Variants in CDKL3 observed in about 807,000 individuals in gnomAD.
CDKL3 encodes cyclin-dependent kinase-like 3.
A neutral mutation model predicts 69.3 loss-of-function variants in CDKL3; 65 were observed. The ratio of observed to expected loss-of-function variants is 0.94; its 90% confidence interval spans 0.77 to 1.15. The LOEUF (loss-of-function observed/expected upper bound fraction) is 1.15, where lower values mean the gene tolerates loss of function less well. Ranked by LOEUF, CDKL3 falls within the 50% of genes most tolerant of loss-of-function variation. The pLI, the probability that CDKL3 is intolerant of heterozygous loss-of-function variation, is 0.00. For missense variants in CDKL3, 652 were observed against 689.2 expected (o/e 0.95, Z 0.61); for synonymous variants, 202 against 221.6 (o/e 0.91, Z 0.79).
At chr5:134,343,155 A>G (rs1402355175) in intron 4 of CDKL3, among the ~76,000 whole-genome samples, 1 of 151,904 alleles carries the variant, frequency 6.6e-6, no homozygotes, top group Non-Finnish European at 1.5e-5. Flanking sequence ...CTGTGGGCCA[A>G]GATCATGCCA....
chr5:134,356,729 A>G (rs2149629520), intron 3 of CDKL3, among the ~76,000 whole-genome samples: 1 of 152,276 alleles, frequency 6.6e-6, no homozygotes, highest in East Asian at 1.9e-4. Flanking sequence ...GGTTGCAGTG[A>G]ACCAAGATCA....
chr5:134,310,035 T>G (rs1233490787), intron 7 of CDKL3, among the ~76,000 whole-genome samples: 20 of 152,136 alleles, frequency 1.3e-4, no homozygotes, highest in Non-Finnish European at 7.4e-5. Flanking sequence ...TTTGCCATGT[T>G]GCCCAGGCTG....
rs186624044 is a variant in CDKL3 at position 134,363,847 on chromosome 5, T to C, written c.165+2512A>G. On this transcript the variant is annotated intron_variant, in intron 2 of 12. Transcript: ENST00000265334. ...TGGCTCATGCCTGTAATCCTAGCTC[T>C]TTCACAGGTCCAAGACAGGAAGATC... 2.6e-5 allele frequency among the ~76,000 whole-genome samples: 4 copies of C among 151,820 alleles called. No homozygotes were observed. In the East Asian group the frequency reaches 7.8e-4, roughly 29 times the overall value.
At position 134,350,426 on chromosome 5, in the gene CDKL3, A is replaced by T; in HGVS notation, c.362T>A (p.Ile121Asn). Reference protein sequence around the residue: ...RAIDYLHSNNIIHRDIKPENI... With the variant: ...RAIDYLHSNNNIHRDIKPENI... The stretch of plus-strand genomic sequence containing the variant: ...CTCAGGTTTTATATCTCGATGAATG[A>T]TCTAAAAAACAAACAGAATACAAAA... The change falls in exon 4 of 13, where the codon ATC (isoleucine) becomes AAC (asparagine). Residue 121 changes from isoleucine to asparagine, a missense_variant and splice_region_variant. Transcript: ENST00000265334. 6.5e-7 allele frequency: 1 copy of T among 1,531,066 alleles called. No individual in the cohort carries two copies. The highest frequency in any genetic ancestry group is 8.9e-7 in the Non-Finnish European group (1 of 1,129,736). 94.8% of individuals were successfully genotyped at this position (1,531,066 alleles called of 1,614,324 possible).
intron 1 of CDKL3, 93 bp from the exon 2 acceptor site, chr5:134,366,637 A>G (rs1757505332): frequency 1.3e-6 from 1 of 793,024 alleles, no homozygotes; most frequent in Admixed American, 3.5e-5. Context: ...ATAAACCCAC[A>G]GTCTCAAATA....
At chr5:134,319,236 C>T (rs1772069052) in intron 6 of CDKL3, 122 bp downstream of exon 6, 1 of 672,218 alleles carries the variant, frequency 1.5e-6, no homozygotes, top group South Asian at 2.7e-5. Context: ...AAGGCTGAGG[C>T]AGGAGAATCT....
chr5:134,301,332 G>T lies in CDKL3; in HGVS notation c.1719+1258C>A, dbSNP rs1336889792. Among the ~76,000 whole-genome samples, 4 of 152,054 alleles carry T rather than the reference G, an allele frequency of 2.6e-5. 1 individual carries two copies. The highest frequency in any genetic ancestry group is 5.9e-5 in the Non-Finnish European group (4 of 68,014). ...TCTTGTTCTACAACATTTCTTCTCTGCAAAGTGGACTGTGGAGTTCTTAAC... is the reference window on the plus strand; with the variant it reads ...TCTTGTTCTACAACATTTCTTCTCTTCAAAGTGGACTGTGGAGTTCTTAAC... On this transcript the variant is annotated intron_variant, in intron 12 of 12. Coordinates refer to ENST00000265334, the MANE Select transcript of CDKL3 (RefSeq NM_001113575.2).
intron 2 of CDKL3, among the ~76,000 whole-genome samples, chr5:134,360,774 G>T (rs1755812124): frequency 6.6e-6 from 1 of 152,042 alleles, no homozygotes; most frequent in Non-Finnish European, 1.5e-5. Flanking sequence ...AATGAGCATG[G>T]ATTTCAACAC....
intron 4 of CDKL3, among the ~76,000 whole-genome samples, chr5:134,333,968 A>C (rs1303832957): frequency 2.0e-5 from 3 of 152,128 alleles, no homozygotes; most frequent in Non-Finnish European, 4.4e-5. Context: ...TAGGCTATTA[A>C]TTATTGGCTC....
At chr5:134,322,904 G>A (rs1773157436) in intron 4 of CDKL3, among the ~76,000 whole-genome samples, 1 of 151,940 alleles carries the variant, frequency 6.6e-6, no homozygotes, top group Admixed American at 6.6e-5. Context: ...ACTTGAACCC[G>A]GGAGGTGGAG....
rs76267148 is a variant in CDKL3, at chr5:134,291,272, T to G, written c.*678-4713A>C. Among the ~76,000 whole-genome samples, 1,400 of 152,294 alleles carry G rather than the reference T, an allele frequency of 9.2e-3. 23 individuals carry two copies. The highest frequency in any genetic ancestry group is 0.031 in the African/African-American group (1,275 of 41,546). ...TAATTGGAAATCTGAGTTTGGAGTT[T>G]GTGGGTGAAGTCCAGGCTGGAAGGA... On this transcript the variant is annotated intron_variant and NMD_transcript_variant, in intron 8 of 8. Coordinates refer to the CDKL3 transcript ENST00000519312.
At chr5:134,351,630 A>G (rs1218733232) in intron 3 of CDKL3, among the ~76,000 whole-genome samples, 1 of 151,910 alleles carries the variant, frequency 6.6e-6, no homozygotes, top group Non-Finnish European at 1.5e-5. Flanking sequence ...GGCTAATTAA[A>G]AAATTTTTTT....
downstream of CDKL3, among the ~76,000 whole-genome samples, chr5:134,296,811 ACACACG>A (rs1362533973): frequency 6.6e-6 from 1 of 151,602 alleles, no homozygotes; most frequent in South Asian, 2.1e-4. Context: ...ACACACACAC[ACACACG>A]CACGCACACA....
chr5:134,367,079 G>A lies in CDKL3; in HGVS notation c.-124C>T. Reference sequence around the variant, plus strand: ...GGTCTGGCTCTGCGTAGTTCCAGTGGAGCCACCGAACACTGATACTACTTT... The same window carrying A: ...GGTCTGGCTCTGCGTAGTTCCAGTGAAGCCACCGAACACTGATACTACTTT... On this transcript the variant is annotated 5_prime_UTR_variant, in exon 1 of 13. Coordinates refer to ENST00000265334, the MANE Select transcript of CDKL3 (RefSeq NM_001113575.2). 1 of 986,792 alleles carries A rather than the reference G, an allele frequency of 1.0e-6. No homozygotes were observed. Among genetic ancestry groups the A allele is most frequent in the Non-Finnish European group, 1.2e-6 (1 of 830,884 alleles). 61.1% of individuals were successfully genotyped at this position (986,792 alleles called of 1,614,324 possible). A position where few individuals can be genotyped will look rare whatever the true frequency, so the allele number is the denominator to read the frequency against.
chr5:134,297,957 G>C (rs549679125), downstream of CDKL3, among the ~76,000 whole-genome samples: 132 of 145,136 alleles, frequency 9.1e-4, 1 homozygote, highest in Middle Eastern at 3.8e-3. Flanking sequence ...TTTTGAGACA[G>C]AGCCTCACTC....
At chr5:134,321,741 G>T in intron 5 of CDKL3, 50 bp downstream of exon 5, 1 of 965,948 alleles carries the variant, frequency 1.0e-6, no homozygotes, top group Non-Finnish European at 1.6e-6. Context: ...GAATTGATCT[G>T]GCAATATTTA....
chr5:134,301,094 T>G (rs1766193855), intron 12 of CDKL3, among the ~76,000 whole-genome samples: 1 of 151,910 alleles, frequency 6.6e-6, no homozygotes, highest in Non-Finnish European at 1.5e-5. Context: ...GCCTCCCAGG[T>G]TCAAGCAATT....
intron 12 of CDKL3, among the ~76,000 whole-genome samples, chr5:134,300,769 T>C (rs1766103633): frequency 6.6e-6 from 1 of 152,144 alleles, no homozygotes; most frequent in Non-Finnish European, 1.5e-5. Flanking sequence ...CCTTTTTTCC[T>C]GGACTAGAAA....
At chr5:134,285,603 A>G (rs1454210217), downstream of CDKL3, among the ~76,000 whole-genome samples, 2 of 152,212 alleles carry the variant, frequency 1.3e-5, no homozygotes. Flanking sequence ...CGTCTCTGAC[A>G]TGTCCTGGAG....
Sources: allele counts gnomAD v4.1 joint callset (sites outside exome capture counted in the v4.1 genomes callset), GRCh38; gene constraint gnomAD v4.1.1; transcripts MANE v1.5; gene names NCBI Gene and HGNC (gene_info 2026-07-23, HGNC 2026-07-21).